AGBL2: variants seen among roughly 807,000 people sequenced by gnomAD.
The protein encoded by AGBL2 is AGBL carboxypeptidase 2.
AGBL2 carries 87 observed loss-of-function variants against 103.0 expected under a neutral mutation model. That is an observed-to-expected ratio of 0.84 (90% CI 0.71 to 1.01). The LOEUF (loss-of-function observed/expected upper bound fraction) is 1.01, where lower values mean the gene tolerates loss of function less well. Ranked by LOEUF, AGBL2 falls within the 50% of genes least tolerant of loss-of-function variation. The pLI is 0.00. For missense variants in AGBL2, 904 were observed against 1,023.5 expected (o/e 0.88, Z 1.59); for synonymous variants, 335 against 356.7 (o/e 0.94, Z 0.69).
At chr11:47,700,527 C>T (rs1025801819) in intron 7 of AGBL2, among the ~76,000 whole-genome samples, 1 of 152,032 alleles carries the variant, frequency 6.6e-6, no homozygotes, top group Admixed American at 6.6e-5. Flanking sequence ...TGCAGTGAAC[C>T]GAGATCACGC....
chr11:47,707,558 C>G (rs1202942951), intron 4 of AGBL2, among the ~76,000 whole-genome samples: 4 of 152,094 alleles, frequency 2.6e-5, no homozygotes, highest in Non-Finnish European at 5.9e-5. Context: ...AAACCTGCCC[C>G]CATGATTCAA....
chr11:47,696,780 A>G (rs924921412), intron 8 of AGBL2, among the ~76,000 whole-genome samples: 6 of 151,286 alleles, frequency 4.0e-5, no homozygotes, highest in Admixed American at 3.3e-4. Context: ...TACCTTTTTC[A>G]TTTCTGATTT....
chr11:47,667,520 A>AC (rs2153802741), intron 16 of AGBL2, 51 bp downstream of exon 16: 2 of 1,598,362 alleles, frequency 1.3e-6, no homozygotes, highest in East Asian at 4.5e-5. Flanking sequence ...TTATCCCTCT[A>AC]TGGAATGGTC....
chr11:47,700,403 A>C (rs907857804), intron 7 of AGBL2, among the ~76,000 whole-genome samples: 1 of 151,188 alleles, frequency 6.6e-6, no homozygotes, highest in African/African-American at 2.4e-5. Flanking sequence ...ACATAGTGAA[A>C]CTCTGCCTCT....
chr11:47,691,503 C>T (rs1413568232), intron 9 of AGBL2, among the ~76,000 whole-genome samples: 3 of 149,172 alleles, frequency 2.0e-5, no homozygotes, highest in East Asian at 4.0e-4. Flanking sequence ...ATCAGGAGAT[C>T]GAGACCATCC....
At chr11:47,693,898 A>C (rs34995978) in intron 8 of AGBL2, among the ~76,000 whole-genome samples, 2 of 152,104 alleles carry the variant, frequency 1.3e-5, no homozygotes, top group African/African-American at 2.4e-5. Flanking sequence ...TTCTTCAATA[A>C]CCAGGGCTTG....
intron 17 of AGBL2, among the ~76,000 whole-genome samples, chr11:47,665,207 C>A (rs1442682956): frequency 6.6e-6 from 1 of 151,832 alleles, no homozygotes; most frequent in Non-Finnish European, 1.5e-5. Context: ...ACCACCATGC[C>A]CAGCTAATTT....
At chr11:47,663,244 C>T in intron 17 of AGBL2, 132 bp from the exon 18 acceptor site, 1 of 619,704 alleles carries the variant, frequency 1.6e-6, no homozygotes, top group Non-Finnish European at 2.7e-6. Context: ...AAAGGACAGG[C>T]AAAACATAAT....
chr11:47,695,816 G>A (rs1478169911), intron 8 of AGBL2, among the ~76,000 whole-genome samples: 1 of 151,272 alleles, frequency 6.6e-6, no homozygotes, highest in African/African-American at 2.4e-5. Context: ...TTCCTCTTCT[G>A]TTTTCAGAGT....
chr11:47,675,171 G>A (rs1221768988), intron 14 of AGBL2, among the ~76,000 whole-genome samples: 1 of 143,750 alleles, frequency 7.0e-6, no homozygotes, highest in Non-Finnish European at 1.5e-5. Flanking sequence ...TTCTCTATCT[G>A]CACTTACTTC....
At chr11:47,706,948 A>C (rs1228022639) in intron 4 of AGBL2, among the ~76,000 whole-genome samples, 1 of 139,586 alleles carries the variant, frequency 7.2e-6, no homozygotes, top group Non-Finnish European at 1.5e-5. Context: ...GCACTTTGGG[A>C]GGCCAAGGCA....
rs1431511119 is a variant in AGBL2, at chr11:47,667,559, A to G, written c.2340+12T>C. On this transcript the variant is annotated intron_variant, in intron 16 of 18. Transcript: ENST00000525123. Reference sequence around the variant, plus strand: ...AACTAGACAGTAGAAATAGCCAGCAAGTCTTTCTTACTGAGGTATCTTCTG... The same window carrying G: ...AACTAGACAGTAGAAATAGCCAGCAGGTCTTTCTTACTGAGGTATCTTCTG... 2 of 1,612,632 alleles carry G rather than the reference A, an allele frequency of 1.2e-6. No homozygotes were observed. Among genetic ancestry groups the G allele is most frequent in the Non-Finnish European group, 1.7e-6 (2 of 1,179,710 alleles).
rs1206784577 is a variant in AGBL2 at position 47,714,994 on chromosome 11, G to A, written c.-101+181C>T. ...AAGGAGATGCTCGCCACAGGAAAGT[G>A]AAAGAAATGGGTATGGGAGCACGCG... On this transcript the variant is annotated intron_variant, in intron 1 of 18. Coordinates refer to ENST00000525123, the MANE Select transcript of AGBL2 (RefSeq NM_024783.4). The A allele has an allele frequency of 9.8e-6, 3 of 305,668 alleles. No homozygotes were observed. In the East Asian group the frequency reaches 2.4e-4, roughly 24 times the overall value. The allele number at this position is 305,668 out of a possible 1,614,324, so 18.9% of individuals were successfully genotyped here. A position where few individuals can be genotyped will look rare whatever the true frequency, so the allele number is the denominator to read the frequency against.
At chr11:47,680,855 G>A (rs1376961539) in intron 12 of AGBL2, among the ~76,000 whole-genome samples, 1 of 148,014 alleles carries the variant, frequency 6.8e-6, no homozygotes, top group Non-Finnish European at 1.5e-5. Flanking sequence ...TATGCTTCAG[G>A]AGAGTGTAGC....
At chr11:47,710,909 C>CAAAAAA (rs60310587) in intron 3 of AGBL2, 1 of 309,648 alleles carries the variant, frequency 3.2e-6, no homozygotes, top group African/African-American at 2.7e-5. Context: ...GATCCTGTCT[C>CAAAAAA]AAAAAAAAAA....
Position 47,673,751 on chromosome 11 carries a change from G to A in AGBL2, c.2147+3520C>T, listed in dbSNP as rs558248450. Among the ~76,000 whole-genome samples, 11 of 135,128 alleles carry A rather than the reference G, an allele frequency of 8.1e-5. 1 individual carries two copies. The East Asian group carries it at 2.0e-3, about 25-fold the overall frequency. 88.6% of individuals were successfully genotyped at this position (135,128 alleles called of 152,430 possible). ...GGAGGTTGCAGTGAGCTGAGATCAC[G>A]CCATTGGACTCCAGCCTGGGTGACA... On this transcript the variant is annotated intron_variant, in intron 14 of 18. Coordinates refer to ENST00000525123, the MANE Select transcript of AGBL2 (RefSeq NM_024783.4).
At chr11:47,694,524 C>T (rs2097459725) in intron 8 of AGBL2, among the ~76,000 whole-genome samples, 1 of 152,172 alleles carries the variant, frequency 6.6e-6, no homozygotes, top group African/African-American at 2.4e-5. Context: ...TTGGGCCTAT[C>T]TGCTCCTTGC....
At chr11:47,673,352 G>A (rs919657402) in intron 14 of AGBL2, among the ~76,000 whole-genome samples, 5 of 152,098 alleles carry the variant, frequency 3.3e-5, no homozygotes, top group South Asian at 2.1e-4. Context: ...ATGGCCGGGC[G>A]CAGTGGCTCA....
chr11:47,679,397 A>G (rs2097392525), intron 13 of AGBL2, among the ~76,000 whole-genome samples: 1 of 151,038 alleles, frequency 6.6e-6, no homozygotes, highest in African/African-American at 2.4e-5. Context: ...TCTCAAAAGA[A>G]AAAAAAAAGA....
Sources: allele counts gnomAD v4.1 joint callset (sites outside exome capture counted in the v4.1 genomes callset), GRCh38; gene constraint gnomAD v4.1.1; transcripts MANE v1.5; gene names NCBI Gene and HGNC (gene_info 2026-07-23, HGNC 2026-07-21).